The following MACF1 variants were observed in gnomAD, a reference collection of about 807,000 sequenced individuals.
The protein encoded by MACF1 is microtubule actin crosslinking factor 1, also known as microtubule-actin cross-linking factor 1.
MACF1 carries 193 observed loss-of-function variants against 854.8 expected under a neutral mutation model. The observed-to-expected ratio is 0.23, with a 90% CI of 0.20 to 0.25. MACF1 has a LOEUF of 0.25. Among genes scored for constraint, MACF1 ranks in the 10% least tolerant of loss-of-function variants. The pLI, the probability that MACF1 is intolerant of heterozygous loss-of-function variation, is 1.00. For missense variants in MACF1, 7,722 were observed against 8,929.1 expected, an observed-to-expected ratio of 0.86 and a Z score of 5.45; for synonymous variants, 3,185 against 3,226.7, an observed-to-expected ratio of 0.99 and a Z score of 0.44.
chr1:39,415,003 C>G (rs1643231939), intron 58 of MACF1, among the ~76,000 whole-genome samples: 1 of 152,180 alleles, frequency 6.6e-6, no homozygotes, highest in Admixed American at 6.5e-5. Context: ...ATTTAAGGTA[C>G]CAAGCGTATA....
At chr1:39,199,242 C>T (rs941823488) in intron 2 of MACF1, among the ~76,000 whole-genome samples, 2 of 151,932 alleles carry the variant, frequency 1.3e-5, no homozygotes, top group African/African-American at 2.4e-5. Flanking sequence ...GCCTCGGCCT[C>T]CCAAAGTGCT....
rs1466005883 is a variant in MACF1, at chr1:39,441,039, C to G, written c.18484C>G (p.Leu6162Val). 6.2e-7 allele frequency: 1 copy of G among 1,614,108 alleles called. No homozygotes were observed. Among genetic ancestry groups the G allele is most frequent in the Non-Finnish European group, 8.5e-7 (1 of 1,180,004 alleles). Reference sequence around the variant, plus strand: ...AGAGACAGATGGTCTGCATGAAGAGCTGGAGTTTATTCGGATCCTTGGAGC... The same window carrying G: ...AGAGACAGATGGTCTGCATGAAGAGGTGGAGTTTATTCGGATCCTTGGAGC... Reference protein sequence around the residue: ...KEETDGLHEELEFIRILGADL... With the variant: ...KEETDGLHEEVEFIRILGADL... The change falls in exon 73 of 101, where the codon CTG (leucine) becomes GTG (valine). Residue 6162 changes from leucine to valine, a missense_variant. By Grantham distance (32) the Leu-to-Val change is conservative. This residue lies in a region of MACF1 where 2,807 missense variants were observed against 3,235.8 expected (regional missense o/e 0.87). Coordinates refer to ENST00000564288, the MANE Select transcript of MACF1 (RefSeq NM_001394062.1).
intron 40 of MACF1, among the ~76,000 whole-genome samples, chr1:39,342,630 T>G (rs1646960719): frequency 6.7e-6 from 1 of 150,130 alleles, no homozygotes; most frequent in African/African-American, 2.4e-5. Context: ...TCCATTCTCC[T>G]GCCGCAGCCT....
chr1:39,382,134 A>C lies in MACF1; in HGVS notation c.13830A>C (p.Ala4610=), dbSNP rs756602052. 1 of 1,613,888 alleles carries C rather than the reference A, an allele frequency of 6.2e-7. No homozygotes were observed. The stretch of plus-strand genomic sequence containing the variant: ...CTATTGACCCCAACATGTTGAATGC[A>C]CAAAAGCAACAGGTCCAGGTGAGCA... The part of the protein sequence containing the change: ...PLSIDPNMLN[A]QKQQVQFMLK... The change falls in exon 56 of 101, where the codon GCA becomes GCC. Residue 4610 remains alanine (A), a synonymous_variant. Transcript: ENST00000564288.
rs1052440596 is a variant in MACF1, at chr1:39,314,317, G to A, written c.3271-1196G>A. Among the ~76,000 whole-genome samples the A allele has an allele frequency of 2.6e-5, 4 of 152,190 alleles. No individual in the cohort carries two copies. In the East Asian group the frequency reaches 5.8e-4, roughly 22 times the overall value. On this transcript the variant is annotated intron_variant, in intron 26 of 100. Transcript: ENST00000564288. ...CTAGCTACTTGGGAGGCTGAAGCAG[G>A]AGAATCATTTGTACCCGGGAGGCGG...
At position 39,340,973 on chromosome 1, in the gene MACF1, C is replaced by A. The variant is rs766228868; in HGVS notation, c.10581+20C>A. The A allele has an allele frequency of 6.4e-7, 1 of 1,571,934 alleles. No individual in the cohort carries two copies. The highest frequency in any genetic ancestry group is 1.9e-5 in the Admixed American group (1 of 52,040). The stretch of plus-strand genomic sequence containing the variant: ...TATGAGGTAAACTCAAGCACATTTT[C>A]TTTGTCCTTTGAGTTGTATCAATTT... On this transcript the variant is annotated intron_variant, in intron 40 of 100. Transcript: ENST00000564288.
At position 39,327,189 on chromosome 1, in the gene MACF1, T is replaced by TA. The variant is rs775210307; in HGVS notation, c.4479-23dup. 2.6e-6 allele frequency: 4 copies of TA among 1,523,810 alleles called. No homozygotes were observed. The South Asian group carries it at 5.0e-5, about 19-fold the overall frequency. 94.4% of individuals were successfully genotyped at this position (1,523,810 alleles called of 1,614,324 possible). A position where few individuals can be genotyped will look rare whatever the true frequency, so the allele number is the denominator to read the frequency against. ...GTTTGGAGATTGTTTTTTTTTCTCCTAAAAAAGCTTTAATGCTTCATCTTC... is the reference window on the plus strand; with the variant it reads ...GTTTGGAGATTGTTTTTTTTTCTCCTAAAAAAAGCTTTAATGCTTCATCTTC... On this transcript the variant is annotated intron_variant, in intron 35 of 100. Coordinates refer to ENST00000564288, the MANE Select transcript of MACF1 (RefSeq NM_001394062.1).
intron 2 of MACF1, chr1:39,103,206 C>T (rs539795801): frequency 1.4e-5 from 5 of 360,838 alleles, no homozygotes; most frequent in Non-Finnish European, 2.7e-5. Flanking sequence ...CTGATTCTCA[C>T]AGCGGACTCT....
At chr1:39,109,295 A>T (rs1051452215) in intron 2 of MACF1, among the ~76,000 whole-genome samples, 5 of 152,236 alleles carry the variant, frequency 3.3e-5, no homozygotes, top group African/African-American at 9.6e-5. Context: ...TTTGAGGTGG[A>T]ATCTTGCTCT....
chr1:39,341,329 C>T (rs561177341), intron 40 of MACF1, among the ~76,000 whole-genome samples: 36 of 151,718 alleles, frequency 2.4e-4, no homozygotes, highest in African/African-American at 8.0e-4. Flanking sequence ...CCACCACACC[C>T]GGCCATTTAT....
chr1:39,173,357 A>ATGCTTTTTCTT (rs1643980081), intron 2 of MACF1, among the ~76,000 whole-genome samples: 1 of 150,226 alleles, frequency 6.7e-6, no homozygotes, highest in African/African-American at 2.4e-5. Context: ...AAAAAAAAGA[A>ATGCTTTTTCTT]AGAAAGAAAG....
intron 90 of MACF1, 160 bp downstream of exon 90, chr1:39,458,650 C>T: frequency 1.2e-6 from 1 of 852,832 alleles, no homozygotes; most frequent in Non-Finnish European, 1.8e-6. Flanking sequence ...CTTACATTGA[C>T]AGACAGTAGC....
rs1646286794 is a variant in MACF1, at chr1:39,310,903, A to G, written c.3173A>G (p.Tyr1058Cys). ...LKNIRLRLEE[Y>C]EQRVVKRIQS... The stretch of plus-strand genomic sequence containing the variant: ...AACATCCGGCTACGCCTGGAGGAGT[A>G]TGAACAGAGGGTGGTCAAACGAATT... The change falls in exon 26 of 101, where the codon TAT becomes TGT. Residue 1058 changes from tyrosine to cysteine, a missense_variant. Physicochemically the swap from Tyr to Cys is radical, Grantham distance 194 (BLOSUM62 -2). Transcript: ENST00000564288. 17 of 1,614,228 alleles carry G rather than the reference A, an allele frequency of 1.1e-5. No homozygotes were observed. Among genetic ancestry groups the G allele is most frequent in the Non-Finnish European group, 1.4e-5 (17 of 1,180,034 alleles).
intron 88 of MACF1, 55 bp downstream of exon 88, chr1:39,453,905 T>A (rs1240317030): frequency 3.2e-6 from 5 of 1,540,976 alleles, no homozygotes; most frequent in Non-Finnish European, 4.4e-6. Flanking sequence ...ATCACTATAG[T>A]ATAGTATAGT....
At chr1:39,484,980 A>G (rs767706788) in intron 100 of MACF1, 1 of 552,350 alleles carries the variant, frequency 1.8e-6, no homozygotes, top group African/African-American at 1.9e-5. Flanking sequence ...AGAAATGATC[A>G]CATTTGAGAG....
chr1:39,361,051 C>T, intron 48 of MACF1, 50 bp downstream of exon 48: 1 of 1,467,104 alleles, frequency 6.8e-7, no homozygotes, highest in East Asian at 2.3e-5. Context: ...TTGCTATGTG[C>T]CATCATTACA....
At chr1:39,248,118 C>G (rs1389951573) in intron 2 of MACF1, among the ~76,000 whole-genome samples, 2 of 152,188 alleles carry the variant, frequency 1.3e-5, no homozygotes, top group Non-Finnish European at 2.9e-5. Context: ...CTTCTTATTT[C>G]TTTACACACA....
At chr1:39,367,380 A>G (rs1648815518) in intron 49 of MACF1, among the ~76,000 whole-genome samples, 2 of 151,748 alleles carry the variant, frequency 1.3e-5, no homozygotes, top group African/African-American at 4.8e-5. Flanking sequence ...TTTTTAAAAA[A>G]TAGAGATGGA....
At chr1:39,361,131 C>G (rs1214396246) in intron 48 of MACF1, 130 bp downstream of exon 48, 2 of 871,064 alleles carry the variant, frequency 2.3e-6, no homozygotes, top group Non-Finnish European at 3.5e-6. Context: ...GAAATGATAA[C>G]TAATCTATGT....
Sources: allele counts gnomAD v4.1 joint callset (sites outside exome capture counted in the v4.1 genomes callset), GRCh38; gene constraint gnomAD v4.1.1; regional missense constraint gnomAD v4.1.1; transcripts MANE v1.5; gene names NCBI Gene and HGNC (gene_info 2026-07-23, HGNC 2026-07-21).